Variants in TAAR5 observed in about 807,000 individuals in gnomAD.
The protein encoded by TAAR5 is trace amine-associated receptor 5.
In TAAR5, 27 loss-of-function variants were observed where a neutral mutation model predicts 21.1. That is an observed-to-expected ratio of 1.28 (90% CI 0.94 to 1.76). The LOEUF is 1.76. TAAR5 is among the 40% of genes most tolerant of loss of function. The pLI is 0.00. For missense variants in TAAR5, 495 were observed against 405.6 expected, an observed-to-expected ratio of 1.22 and a Z score of -1.89; for synonymous variants, 203 against 167.5, an observed-to-expected ratio of 1.21 and a Z score of -1.64.
Position 132,588,740 on chromosome 6 carries a change from A to C in TAAR5, c.947T>G (p.Leu316Arg). The change falls in exon 1 of 1, where the codon CTG (leucine) becomes CGG (arginine). Residue 316 changes from leucine to arginine, a missense_variant. Leu to Arg is a moderately radical substitution (Grantham distance 102). Coordinates refer to ENST00000258034, the MANE Select transcript of TAAR5 (RefSeq NM_003967.3). ...VFSYQWFRKALKLTLSQKVFS... is the reference protein window; with the variant it reads ...VFSYQWFRKARKLTLSQKVFS... Reference sequence around the variant, plus strand: ...GACCTTCTGGCTCAGTGTGAGTTTCAGTGCCTTCCGAAACCACTGGTAGGA... The same window carrying C: ...GACCTTCTGGCTCAGTGTGAGTTTCCGTGCCTTCCGAAACCACTGGTAGGA... 6.2e-7 allele frequency: 1 copy of C among 1,614,080 alleles called. No homozygotes were observed. Among genetic ancestry groups the C allele is most frequent in the Non-Finnish European group, 8.5e-7 (1 of 1,179,992 alleles).
chr6:132,610,752 C>G, the TAAR5 span, among the ~76,000 whole-genome samples: 3 of 152,190 alleles, frequency 2.0e-5, no homozygotes, highest in African/African-American at 7.2e-5. Context: ...GTTTACATCA[C>G]TGACTTCCAA....
the TAAR5 span, among the ~76,000 whole-genome samples, chr6:132,598,171 T>C: frequency 2.6e-5 from 4 of 152,192 alleles, no homozygotes; most frequent in East Asian, 3.8e-4. Context: ...AATAATTTTA[T>C]CTTACTTTGA....
the TAAR5 span, among the ~76,000 whole-genome samples, chr6:132,612,884 C>T: frequency 6.2e-4 from 94 of 152,314 alleles, 1 homozygote; most frequent in East Asian, 2.5e-3. Context: ...AATGATTACA[C>T]AGGGGACTCT....
chr6:132,608,958 G>A, the TAAR5 span: 2 of 455,806 alleles, frequency 4.4e-6, no homozygotes, highest in Non-Finnish European at 8.8e-6. Context: ...CAAAGCTTGT[G>A]TGGAATTTAC....
the TAAR5 span, among the ~76,000 whole-genome samples, chr6:132,602,839 C>A: frequency 6.1e-5 from 8 of 131,332 alleles, no homozygotes; most frequent in African/African-American, 2.4e-4. Flanking sequence ...AGGATTAGGG[C>A]TATGGATTAA....
chr6:132,612,084 C>A, the TAAR5 span, among the ~76,000 whole-genome samples: 3 of 152,196 alleles, frequency 2.0e-5, no homozygotes, highest in South Asian at 6.2e-4. Context: ...TTGGTTTTCA[C>A]CAAGGAAATG....
chr6:132,607,737 G>C, the TAAR5 span, among the ~76,000 whole-genome samples: 1 of 152,162 alleles, frequency 6.6e-6, no homozygotes, highest in Non-Finnish European at 1.5e-5. Flanking sequence ...TGAATAGTTT[G>C]TAAAAATGAT....
the TAAR5 span, chr6:132,608,237 C>A: frequency 2.4e-6 from 1 of 409,862 alleles, no homozygotes; most frequent in South Asian, 1.8e-5. Flanking sequence ...ACTTTTGCAA[C>A]AGCTTTTTAT....
chr6:132,605,109 C>T, the TAAR5 span, among the ~76,000 whole-genome samples: 2 of 152,230 alleles, frequency 1.3e-5, no homozygotes, highest in African/African-American at 2.4e-5. Context: ...TCATCTGAAA[C>T]CCTGAGAGGG....
At chr6:132,593,623 C>T (rs375159602), upstream of TAAR5, among the ~76,000 whole-genome samples, 1 of 151,984 alleles carries the variant, frequency 6.6e-6, no homozygotes, top group African/African-American at 2.4e-5. Flanking sequence ...TTGTGGACAC[C>T]CTTGTAAAGT....
the TAAR5 span, among the ~76,000 whole-genome samples, chr6:132,596,749 A>T: frequency 2.5e-3 from 386 of 152,300 alleles, 1 homozygote; most frequent in African/African-American, 8.8e-3. Context: ...AAGAACAAAG[A>T]TGTGTTCAGC....
chr6:132,605,933 G>A, the TAAR5 span, among the ~76,000 whole-genome samples: 7,892 of 140,176 alleles, frequency 0.056, 301 homozygotes, highest in African/African-American at 0.13. Flanking sequence ...GCCATCAAAA[G>A]AATGGAATAG....
chr6:132,610,993 T>C, the TAAR5 span, among the ~76,000 whole-genome samples: 1 of 151,896 alleles, frequency 6.6e-6, no homozygotes, highest in Admixed American at 6.6e-5. Flanking sequence ...GAAAGAAAAA[T>C]AGGAAATAAA....
chr6:132,591,591 C>T (rs1776908368), upstream of TAAR5, among the ~76,000 whole-genome samples: 1 of 152,294 alleles, frequency 6.6e-6, no homozygotes, highest in East Asian at 1.9e-4. Context: ...AAGGATATTG[C>T]ATTACTAGGT....
chr6:132,596,156 C>A, the TAAR5 span, among the ~76,000 whole-genome samples: 3 of 152,172 alleles, frequency 2.0e-5, no homozygotes, highest in African/African-American at 7.2e-5. Context: ...TTTCATTTAG[C>A]AGCTGTATTC....
the TAAR5 span, among the ~76,000 whole-genome samples, chr6:132,606,653 T>A: frequency 6.6e-6 from 1 of 152,154 alleles, no homozygotes; most frequent in Non-Finnish European, 1.5e-5. Context: ...ATTAGGCACA[T>A]TTACTTTTTG....
the TAAR5 span, among the ~76,000 whole-genome samples, chr6:132,602,779 C>CAAAAAAAAAAAAAAAAAA: frequency 1.0e-5 from 1 of 95,944 alleles, no homozygotes; most frequent in Non-Finnish European, 2.1e-5. Context: ...CTTTAGAAGT[C>CAAAAAAAAAAAAAAAAAA]AAAAAAAAAA....
At chr6:132,605,308 G>C in the TAAR5 span, among the ~76,000 whole-genome samples, 1 of 152,216 alleles carries the variant, frequency 6.6e-6, no homozygotes, top group Admixed American at 6.5e-5. Context: ...GGAAGGGAAG[G>C]CATGTTACAG....
At chr6:132,604,199 A>C in the TAAR5 span, among the ~76,000 whole-genome samples, 1 of 143,844 alleles carries the variant, frequency 7.0e-6, no homozygotes, top group Non-Finnish European at 1.5e-5. Context: ...GCTAGAGTAC[A>C]GTGGCATGAT....
Sources: gnomAD v4.1 joint callset for allele counts (sites outside exome capture counted in the v4.1 genomes callset) on GRCh38, gnomAD v4.1.1 for gene constraint, MANE v1.5 for transcripts, NCBI Gene and HGNC (gene_info 2026-07-23, HGNC 2026-07-21) for gene names.